The following ABCG5 variants were observed in gnomAD, a reference collection of about 807,000 sequenced individuals.
ABCG5 encodes ATP-binding cassette sub-family G member 5.
ABCG5 carries 64 observed loss-of-function variants against 64.5 expected under a neutral mutation model. The observed-to-expected ratio is 0.99, with a 90% CI of 0.81 to 1.22. The LOEUF (loss-of-function observed/expected upper bound fraction) is 1.22. ABCG5 is among the 50% of genes most tolerant of loss of function. The probability of loss-of-function intolerance (pLI) is 0.00; values close to 1 mark genes in which losing one functional copy is unlikely to be tolerated. For missense variants in ABCG5, 908 were observed against 829.5 expected (o/e 1.09, Z -1.16); for synonymous variants, 385 against 326.3 (o/e 1.18, Z -1.94).
At chr2:43,808,027 A>T (rs1203201933), downstream of ABCG5, among the ~76,000 whole-genome samples, 8 of 152,300 alleles carry the variant, frequency 5.3e-5, no homozygotes, top group East Asian at 9.6e-4. Flanking sequence ...ACCAGCAAAG[A>T]ATCTCAAAAC....
intron 12 of ABCG5, 32 bp downstream of exon 12, chr2:43,814,445 G>A: frequency 1.4e-6 from 2 of 1,421,052 alleles, no homozygotes; most frequent in Non-Finnish European, 2.0e-6. Flanking sequence ...AGAGTAACAT[G>A]CAAAAATAAT....
Position 43,837,890 on chromosome 2 carries a change from T to G in ABCG5, c.209A>C (p.Lys70Thr), listed in dbSNP as rs1668382783. ...CRQQWTRQIL[K>T]DVSLYVESGQ... The stretch of plus-strand genomic sequence containing the variant: ...GCTCTCCACGTACAAGGAGACATCT[T>G]TGAGGATCTGCCTGGTCCACTGCTG... Residue 70 changes from lysine to threonine, a missense_variant, in exon 2 of 13, where the codon AAA becomes ACA. Lys to Thr is a moderately conservative substitution (Grantham distance 78). Transcript: ENST00000405322. The G allele has an allele frequency of 6.2e-7, 1 of 1,613,992 alleles. No individual in the cohort carries two copies. The highest frequency in any genetic ancestry group is 1.1e-5 in the South Asian group (1 of 91,084).
At chr2:43,830,905 AC>A (rs1667912630) in intron 4 of ABCG5, among the ~76,000 whole-genome samples, 3 of 152,120 alleles carry the variant, frequency 2.0e-5, no homozygotes, top group Admixed American at 2.0e-4. Context: ...TCCTTCATTA[AC>A]TCAGTCCAGT....
chr2:43,821,723 G>T (rs1667216937), intron 10 of ABCG5, among the ~76,000 whole-genome samples: 1 of 152,066 alleles, frequency 6.6e-6, no homozygotes, highest in African/African-American at 2.4e-5. Context: ...AATTCTAATA[G>T]CATGTCCCAT....
At chr2:43,827,902 G>C (rs555515858) in intron 5 of ABCG5, 81 bp downstream of exon 5, 1 of 1,589,770 alleles carries the variant, frequency 6.3e-7, no homozygotes, top group Non-Finnish European at 8.6e-7. Flanking sequence ...AATGAGGACC[G>C]TGAAGAAAGG....
chr2:43,808,207 A>G (rs1017243664), downstream of ABCG5, among the ~76,000 whole-genome samples: 1 of 152,108 alleles, frequency 6.6e-6, no homozygotes, highest in Non-Finnish European at 1.5e-5. Flanking sequence ...AGCTGTAAAG[A>G]CTACATATGA....
intron 6 of ABCG5, among the ~76,000 whole-genome samples, chr2:43,825,568 C>A (rs113688149): frequency 5.9e-4 from 90 of 152,238 alleles, no homozygotes; most frequent in African/African-American, 2.1e-3. Context: ...CTATTAACAA[C>A]TGTGTGATCT....
At chr2:43,810,409 A>C, downstream of ABCG5, 1 of 985,434 alleles carries the variant, frequency 1.0e-6, no homozygotes, top group Non-Finnish European at 1.2e-6. Context: ...CCTATCAAGA[A>C]GCAGGACAAA....
chr2:43,822,753 A>G, intron 10 of ABCG5, 44 bp downstream of exon 10: 1 of 1,613,350 alleles, frequency 6.2e-7, no homozygotes. Context: ...TAGCTCCATG[A>G]CTCCATGGGA....
intron 10 of ABCG5, among the ~76,000 whole-genome samples, chr2:43,822,335 C>CT (rs1667266137): frequency 2.0e-5 from 3 of 152,274 alleles, no homozygotes; most frequent in Admixed American, 2.0e-4. Context: ...CTTCCTCATC[C>CT]TCTCTGATGC....
intron 9 of ABCG5, 35 bp from the exon 10 acceptor site, chr2:43,822,970 C>T (rs781232212): frequency 6.2e-7 from 1 of 1,611,702 alleles, no homozygotes; most frequent in African/African-American, 1.3e-5. Context: ...AACAGTCAGT[C>T]ACCACCCAGC....
rs879145907 is a variant in ABCG5, at chr2:43,823,834, T to A, written c.1324+79A>T. On this transcript the variant is annotated intron_variant, in intron 9 of 12. Transcript: ENST00000405322. ...GCTCAGAGAAAAACCCTTATAATGGTAGACTTTTGTAAGGTTACAGCTGGA... is the reference window on the plus strand; with the variant it reads ...GCTCAGAGAAAAACCCTTATAATGGAAGACTTTTGTAAGGTTACAGCTGGA... 2.0e-6 allele frequency: 3 copies of A among 1,520,406 alleles called. No homozygotes were observed. In the Admixed American group the frequency reaches 5.7e-5, roughly 29 times the overall value. The allele number at this position is 1,520,406 out of a possible 1,614,324, so 94.2% of individuals were successfully genotyped here.
At chr2:43,820,852 C>A (rs1667148025) in intron 10 of ABCG5, among the ~76,000 whole-genome samples, 1 of 152,066 alleles carries the variant, frequency 6.6e-6, no homozygotes, top group Non-Finnish European at 1.5e-5. Flanking sequence ...TGGGGTTTTG[C>A]CATATTGGCC....
intron 4 of ABCG5, among the ~76,000 whole-genome samples, chr2:43,831,364 A>G (rs1173863625): frequency 6.6e-6 from 1 of 152,080 alleles, no homozygotes; most frequent in African/African-American, 2.4e-5. Context: ...ATAGAGACTG[A>G]GTCTCGCTAT....
At chr2:43,810,086 A>G, downstream of ABCG5, 2 of 575,820 alleles carry the variant, frequency 3.5e-6, no homozygotes, top group Non-Finnish European at 4.5e-6. Flanking sequence ...TAAAAGTAAG[A>G]GTATTTGGTT....
At chr2:43,836,284 C>G (rs1668261646) in intron 2 of ABCG5, among the ~76,000 whole-genome samples, 1 of 152,100 alleles carries the variant, frequency 6.6e-6, no homozygotes, top group Admixed American at 6.5e-5. Flanking sequence ...TCTGGTTGTG[C>G]ACCTGCTGTA....
At chr2:43,810,072 A>T, downstream of ABCG5, 1 of 634,948 alleles carries the variant, frequency 1.6e-6, no homozygotes, top group Non-Finnish European at 2.0e-6. Flanking sequence ...TGTTTTTAGG[A>T]ATATAAAAGT....
chr2:43,832,954 C>T (rs1215200289), intron 2 of ABCG5, among the ~76,000 whole-genome samples: 1 of 152,180 alleles, frequency 6.6e-6, no homozygotes, highest in African/African-American at 2.4e-5. Context: ...GGATTACAGG[C>T]ATGCACCACT....
chr2:43,816,427 G>C lies in ABCG5; in HGVS notation c.1650-1838C>G, dbSNP rs981444002. Among the ~76,000 whole-genome samples, 3 of 147,960 alleles carry C rather than the reference G, an allele frequency of 2.0e-5. No homozygotes were observed. The Admixed American group carries it at 2.0e-4, about 10-fold the overall frequency. Reference sequence around the variant, plus strand: ...GGGAACAACCAACAGACTTTGTGCAGGTGGCGGAGAGAGAGAAATGGATCA... The same window carrying C: ...GGGAACAACCAACAGACTTTGTGCACGTGGCGGAGAGAGAGAAATGGATCA... On this transcript the variant is annotated intron_variant, in intron 11 of 12. Transcript: ENST00000405322.
Sources: allele counts gnomAD v4.1 joint callset (sites outside exome capture counted in the v4.1 genomes callset), GRCh38; gene constraint gnomAD v4.1.1; transcripts MANE v1.5; gene names NCBI Gene and HGNC (gene_info 2026-07-23, HGNC 2026-07-21).